TPO: variants seen among roughly 807,000 people sequenced by gnomAD.
TPO encodes the protein thyroid microsomal antigen.
Under a neutral mutation model 96.9 loss-of-function variants are expected in TPO, and 78 were observed. The ratio of observed to expected loss-of-function variants is 0.81; its 90% CI spans 0.67 to 0.97. The LOEUF is 0.97. Among genes scored for constraint, TPO ranks in the 50% least tolerant of loss-of-function variants. TPO has a pLI of 0.00. For missense variants in TPO, 1,252 were observed against 1,274.8 expected (o/e 0.98, Z 0.27); for synonymous variants, 547 against 538.0 (o/e 1.02, Z -0.23).
chr2:1,421,095 G>A (rs777272212), intron 2 of TPO, among the ~76,000 whole-genome samples: 1 of 152,112 alleles, frequency 6.6e-6, no homozygotes, highest in East Asian at 1.9e-4. Context: ...CACCCGAGGT[G>A]ACACTCACAG....
chr2:1,380,819 C>T (rs1362825680), intron 1 of TPO, among the ~76,000 whole-genome samples: 1 of 152,156 alleles, frequency 6.6e-6, no homozygotes, highest in Non-Finnish European at 1.5e-5. Context: ...TTAACTGGCT[C>T]ACAGTTCTGC....
chr2:1,381,874 T>C (rs1434278624), intron 1 of TPO, among the ~76,000 whole-genome samples: 2 of 152,152 alleles, frequency 1.3e-5, no homozygotes, highest in African/African-American at 4.8e-5. Flanking sequence ...TGTCCTCATT[T>C]GCAAAATTAG....
At chr2:1,383,285 T>C (rs1161375562) in intron 1 of TPO, among the ~76,000 whole-genome samples, 1 of 152,170 alleles carries the variant, frequency 6.6e-6, no homozygotes, top group Non-Finnish European at 1.5e-5. Context: ...GTTCTAGATT[T>C]CTGAGGAATT....
Position 1,530,824 on chromosome 2 carries a change from A to G in TPO, c.2619-9770A>G, listed in dbSNP as rs1395336924. On this transcript the variant is annotated intron_variant, in intron 15 of 16. Transcript: ENST00000329066. ...CCCCGACTGTGTGCAACCTCCTGAA[A>G]TCCCTTCACTGCGTGCAACCTCCCC... Among the ~76,000 whole-genome samples the G allele has an allele frequency of 4.6e-5, 5 of 108,280 alleles. No individual in the cohort carries two copies. The East Asian group carries it at 1.4e-3, about 31-fold the overall frequency. The allele number at this position is 108,280 out of a possible 152,430, so 71.0% of individuals were successfully genotyped here.
At position 1,504,132 on chromosome 2, in the gene TPO, T is replaced by C. The variant is rs1159653636; in HGVS notation, c.2518+53T>C. On this transcript the variant is annotated intron_variant, in intron 14 of 16. Coordinates refer to ENST00000329066, the MANE Select transcript of TPO (RefSeq NM_001206744.2). The stretch of plus-strand genomic sequence containing the variant: ...CGTCCATTTGCGAGTTTTTGTAAAA[T>C]GAAGAAAAGTGTGTTCAAGTTAGGC... 7 of 1,609,880 alleles carry C rather than the reference T, an allele frequency of 4.3e-6. No homozygotes were observed. The African/African-American group carries it at 6.7e-5, about 15-fold the overall frequency.
intron 7 of TPO, among the ~76,000 whole-genome samples, chr2:1,474,667 G>A (rs765621190): frequency 6.6e-6 from 1 of 152,082 alleles, no homozygotes; most frequent in South Asian, 2.1e-4. Context: ...TTTCTATTTT[G>A]TTAGGGAGTC....
rs76443709 is a variant in TPO, at chr2:1,440,166, C to A, written c.482+3782C>A. 4.7e-4 allele frequency among the ~76,000 whole-genome samples: 37 copies of A among 78,960 alleles called. No individual in the cohort carries two copies. In the South Asian group the frequency reaches 5.4e-3, roughly 12 times the overall value. 51.8% of individuals were successfully genotyped at this position (78,960 alleles called of 152,430 possible). On this transcript the variant is annotated intron_variant, in intron 5 of 16. Transcript: ENST00000329066. ...GCGTTTCCAATGTGCTGCGTTTCCA[C>A]CGTGCTGCGTTTCCACCGTGCTGCA...
intron 3 of TPO, among the ~76,000 whole-genome samples, chr2:1,424,366 G>C (rs750172776): frequency 6.6e-6 from 1 of 152,188 alleles, no homozygotes; most frequent in Non-Finnish European, 1.5e-5. Flanking sequence ...TAAGGTCTGT[G>C]TTGATGTTGA....
intron 7 of TPO, among the ~76,000 whole-genome samples, chr2:1,469,179 T>G (rs1376919540): frequency 6.6e-6 from 1 of 152,266 alleles, no homozygotes; most frequent in Non-Finnish European, 1.5e-5. Flanking sequence ...ATTAGCTTAA[T>G]AATTAACCTT....
chr2:1,391,989 T>A (rs6760652), intron 1 of TPO, among the ~76,000 whole-genome samples: 2 of 152,232 alleles, frequency 1.3e-5, no homozygotes, highest in African/African-American at 4.8e-5. Flanking sequence ...CCTCTTTTCC[T>A]AATTGAATAC....
chr2:1,386,250 T>G (rs1415287673), intron 1 of TPO, among the ~76,000 whole-genome samples: 1 of 152,204 alleles, frequency 6.6e-6, no homozygotes, highest in African/African-American at 2.4e-5. Flanking sequence ...CAGAGCTCAG[T>G]TCAATTCCTG....
intron 4 of TPO, among the ~76,000 whole-genome samples, chr2:1,435,186 G>A (rs1665441643): frequency 6.6e-6 from 1 of 152,124 alleles, no homozygotes; most frequent in South Asian, 2.1e-4. Flanking sequence ...ACCCTCTTTG[G>A]CCTCCCAAAG....
At chr2:1,380,277 C>T (rs1661788307) in intron 1 of TPO, among the ~76,000 whole-genome samples, 1 of 151,558 alleles carries the variant, frequency 6.6e-6, no homozygotes, top group Admixed American at 6.6e-5. Context: ...GCCTGTAGTC[C>T]CAGCTACTCG....
chr2:1,472,645 C>T (rs1233964006), intron 7 of TPO, among the ~76,000 whole-genome samples: 3 of 152,172 alleles, frequency 2.0e-5, no homozygotes, highest in South Asian at 2.1e-4. Flanking sequence ...TCTGCCACAG[C>T]GTGGATCACC....
intron 1 of TPO, among the ~76,000 whole-genome samples, chr2:1,386,518 A>G (rs1286739522): frequency 6.6e-6 from 1 of 152,078 alleles, no homozygotes; most frequent in East Asian, 1.9e-4. Context: ...GTTTTATCTG[A>G]GACTAGGATT....
intron 2 of TPO, among the ~76,000 whole-genome samples, chr2:1,415,638 C>T (rs572771023): frequency 3.3e-5 from 5 of 149,644 alleles, no homozygotes; most frequent in East Asian, 4.0e-4. Context: ...CACATAGTCC[C>T]GGAGCCCCTG....
At chr2:1,501,580 C>G (rs1472754595) in intron 13 of TPO, among the ~76,000 whole-genome samples, 2 of 152,226 alleles carry the variant, frequency 1.3e-5, no homozygotes, top group African/African-American at 4.8e-5. Context: ...CTGCATGTGG[C>G]CTGATGAAGA....
At chr2:1,521,181 T>A (rs62107992) in intron 15 of TPO, among the ~76,000 whole-genome samples, 49,440 of 152,150 alleles carry the variant, frequency 0.32, 8,306 homozygotes, top group South Asian at 0.39. Context: ...TGCATTAATT[T>A]CCAGCAAATC....
At chr2:1,467,128 A>T (rs556581150) in intron 7 of TPO, among the ~76,000 whole-genome samples, 1 of 149,480 alleles carries the variant, frequency 6.7e-6, no homozygotes, top group Non-Finnish European at 1.5e-5. Flanking sequence ...TTTGAGATGG[A>T]GTTTCGCTCT....
Sources: allele counts gnomAD v4.1 joint callset (sites outside exome capture counted in the v4.1 genomes callset), GRCh38; gene constraint gnomAD v4.1.1; transcripts MANE v1.5; gene names NCBI Gene and HGNC (gene_info 2026-07-23, HGNC 2026-07-21).